TLN2: variants seen among roughly 807,000 people sequenced by gnomAD.
The protein encoded by TLN2 is talin-2.
Under a neutral mutation model 294.7 loss-of-function variants are expected in TLN2, and 118 were observed. The observed-to-expected ratio is 0.40, with a 90% CI of 0.34 to 0.47. TLN2 has a LOEUF of 0.47. TLN2 is among the 20% of genes least tolerant of loss of function. TLN2 has a pLI of 0.84. For missense variants in TLN2, 3,083 were observed against 3,282.2 expected (o/e 0.94, Z 1.48); for synonymous variants, 1,431 against 1,304.5 (o/e 1.10, Z -2.09).
intron 1 of TLN2, among the ~76,000 whole-genome samples, chr15:62,512,347 C>T (rs1407339713): frequency 6.6e-6 from 1 of 152,122 alleles, no homozygotes; most frequent in Non-Finnish European, 1.5e-5. Context: ...GAAATCTGCT[C>T]TCTCTTAGTG....
At chr15:62,787,345 G>A (rs143718753) in intron 45 of TLN2, among the ~76,000 whole-genome samples, 1 of 152,276 alleles carries the variant, frequency 6.6e-6, no homozygotes, top group Non-Finnish European at 1.5e-5. Context: ...GTTTTGTTGT[G>A]TTTGAGGCAG....
In TLN2 at chr15:62,842,203, A is replaced by AT. The variant is rs368041785; in HGVS notation, c.*1604dup. 9.2e-3 allele frequency: 1,383 copies of AT among 149,574 alleles called. 8 individuals are homozygous for AT. The highest frequency in any genetic ancestry group is 0.017 in the Middle Eastern group (5 of 288). 9.3% of individuals were successfully genotyped at this position (149,574 alleles called of 1,614,324 possible). A position where few individuals can be genotyped will look rare whatever the true frequency, so the allele number is the denominator to read the frequency against. On this transcript the variant is annotated 3_prime_UTR_variant, in exon 59 of 59. Transcript: ENST00000636159. ...ACTTATAAGTGCTGCACGTATTAGA[A>AT]TTTTTTTTTTTCAGACCAGTAAAGT...
chr15:62,815,238 C>T lies in TLN2; in HGVS notation c.6772-4278C>T, dbSNP rs140491029. Among the ~76,000 whole-genome samples, 1,250 of 150,648 alleles carry T rather than the reference C, an allele frequency of 8.3e-3. 12 individuals are homozygous for T. Among genetic ancestry groups the T allele is most frequent in the Middle Eastern group, 0.027 (8 of 294 alleles). ...ACACACACACACACACACACTCACT[C>T]GCTCTGCCCTTCACTCTGTTCTTTG... On this transcript the variant is annotated intron_variant, in intron 52 of 58. Coordinates refer to ENST00000636159, the MANE Select transcript of TLN2 (RefSeq NM_015059.3).
intron 45 of TLN2, among the ~76,000 whole-genome samples, chr15:62,785,638 G>GAGACTCCA (rs1453762847): frequency 8.2e-6 from 1 of 121,420 alleles, no homozygotes; most frequent in Non-Finnish European, 1.7e-5. Flanking sequence ...GCAACAGAAT[G>GAGACTCCA]AGACTCCATC....
intron 12 of TLN2, among the ~76,000 whole-genome samples, chr15:62,689,734 A>G (rs1413978723): frequency 6.7e-6 from 1 of 149,826 alleles, no homozygotes; most frequent in Non-Finnish European, 1.5e-5. Flanking sequence ...GTTTCTAATG[A>G]TAAATTTGCT....
chr15:62,676,963 G>A (rs1357731752), intron 11 of TLN2, among the ~76,000 whole-genome samples: 2 of 152,214 alleles, frequency 1.3e-5, no homozygotes, highest in East Asian at 3.9e-4. Flanking sequence ...CATTGATTCA[G>A]TGGGGGCCAT....
chr15:62,825,805 ATAT>A (rs2068061784), intron 54 of TLN2, among the ~76,000 whole-genome samples: 2 of 78,494 alleles, frequency 2.5e-5, no homozygotes, highest in Non-Finnish European at 4.0e-5. Flanking sequence ...TATATATTAT[ATAT>A]TATATTATAA....
chr15:62,627,923 T>C (rs2049426746), intron 3 of TLN2, among the ~76,000 whole-genome samples: 1 of 152,212 alleles, frequency 6.6e-6, no homozygotes, highest in South Asian at 2.1e-4. Context: ...AGTTTTAGCA[T>C]TGGAATTTAA....
At chr15:62,803,665 T>C (rs538045911) in intron 50 of TLN2, among the ~76,000 whole-genome samples, 1 of 152,364 alleles carries the variant, frequency 6.6e-6, no homozygotes, top group East Asian at 1.9e-4. Context: ...TTTAATTATT[T>C]CAATTTCTTT....
At chr15:62,681,512 C>A (rs2056826748) in intron 11 of TLN2, among the ~76,000 whole-genome samples, 1 of 152,094 alleles carries the variant, frequency 6.6e-6, no homozygotes, top group Non-Finnish European at 1.5e-5. Context: ...ACATTTTGTC[C>A]TAATAATCGG....
At chr15:62,492,562 A>G (rs2038804400) in intron 1 of TLN2, among the ~76,000 whole-genome samples, 1 of 147,026 alleles carries the variant, frequency 6.8e-6, no homozygotes, top group African/African-American at 2.6e-5. Flanking sequence ...AAAAAAAAAG[A>G]AAAAAAGAAA....
chr15:62,557,660 G>A (rs2042683780), intron 1 of TLN2, among the ~76,000 whole-genome samples: 1 of 152,084 alleles, frequency 6.6e-6, no homozygotes, highest in Admixed American at 6.5e-5. Context: ...TCCTCCCTCA[G>A]CCTCCCGAGT....
intron 2 of TLN2, among the ~76,000 whole-genome samples, chr15:62,606,600 G>A (rs577376070): frequency 6.6e-6 from 1 of 152,250 alleles, no homozygotes; most frequent in African/African-American, 2.4e-5. Context: ...TAAGGTCAGC[G>A]ATACAGCATT....
chr15:62,582,015 G>A (rs1461734904), intron 1 of TLN2, among the ~76,000 whole-genome samples: 1 of 151,106 alleles, frequency 6.6e-6, no homozygotes, highest in Non-Finnish European at 1.5e-5. Flanking sequence ...CTGCACTCCA[G>A]CCTGGGCAAG....
chr15:62,753,923 G>C lies in TLN2; in HGVS notation c.4476+7G>C. The C allele has an allele frequency of 5.1e-6, 8 of 1,580,536 alleles. No homozygotes were observed. Among genetic ancestry groups the C allele is most frequent in the Non-Finnish European group, 6.9e-6 (8 of 1,162,890 alleles). On this transcript the variant is annotated splice_region_variant and intron_variant, in intron 36 of 58. Coordinates refer to ENST00000636159, the MANE Select transcript of TLN2 (RefSeq NM_015059.3). ...TGGCAGCAGCCCATCACAGGTAACT[G>C]TTGGGGAGGATGTAAGATTTCAAGC...
chr15:62,654,479 C>G (rs2052961314), intron 7 of TLN2, among the ~76,000 whole-genome samples: 1 of 152,066 alleles, frequency 6.6e-6, no homozygotes, highest in Middle Eastern at 3.4e-3. Flanking sequence ...GTTGGTTGCA[C>G]GTGGTGGCTC....
chr15:62,486,945 T>A (rs1595914000), intron 1 of TLN2, among the ~76,000 whole-genome samples: 1 of 152,258 alleles, frequency 6.6e-6, no homozygotes, highest in Non-Finnish European at 1.5e-5. Flanking sequence ...TTGCCTGAGA[T>A]TTGAACACAC....
chr15:62,839,806 G>A (rs1407340676), intron 58 of TLN2, among the ~76,000 whole-genome samples: 1 of 152,230 alleles, frequency 6.6e-6, no homozygotes, highest in African/African-American at 2.4e-5. Flanking sequence ...AAGTTTCACA[G>A]AGAAGGGGCT....
At chr15:62,390,940 A>C (rs1229717029) in intron 1 of TLN2, among the ~76,000 whole-genome samples, 1 of 152,220 alleles carries the variant, frequency 6.6e-6, no homozygotes, top group African/African-American at 2.4e-5. Context: ...TGTATGTTTC[A>C]CTGCACCGGA....
Sources: allele counts gnomAD v4.1 joint callset (sites outside exome capture counted in the v4.1 genomes callset), GRCh38; gene constraint gnomAD v4.1.1; transcripts MANE v1.5; gene names NCBI Gene and HGNC (gene_info 2026-07-23, HGNC 2026-07-21).